Variants in ZNF407 observed in about 807,000 individuals in gnomAD.
The protein encoded by ZNF407 is zinc finger protein 407.
Under a neutral mutation model 131.2 loss-of-function variants are expected in ZNF407, and 17 were observed. The observed-to-expected ratio is 0.13, with a 90% confidence interval of 0.09 to 0.19. The LOEUF is 0.19. Ranked by LOEUF, ZNF407 falls within the 10% of genes least tolerant of loss-of-function variation. The pLI is 1.00. For synonymous variants in ZNF407, 1,156 were observed against 1,062.0 expected (o/e 1.09, Z -1.72); for missense variants, 2,681 against 2,830.6 (o/e 0.95, Z 1.20).
chr18:74,834,078 A>G (rs2145121869), intron 4 of ZNF407, among the ~76,000 whole-genome samples: 1 of 152,330 alleles, frequency 6.6e-6, no homozygotes, highest in Admixed American at 6.5e-5. Context: ...TGAAAAATCT[A>G]ACCTTTATCA....
intron 4 of ZNF407, among the ~76,000 whole-genome samples, chr18:74,835,885 G>A (rs1046509309): frequency 6.6e-6 from 1 of 152,084 alleles, no homozygotes; most frequent in Non-Finnish European, 1.5e-5. Context: ...ACAGGTACGG[G>A]TATGCTGGTT....
intron 8 of ZNF407, among the ~76,000 whole-genome samples, chr18:74,958,585 C>G (rs1206322179): frequency 6.6e-6 from 1 of 151,888 alleles, no homozygotes; most frequent in African/African-American, 2.4e-5. Context: ...TTGGGTTTGA[C>G]GAGGAGTCCG....
chr18:74,816,754 A>G (rs780894355), intron 4 of ZNF407, among the ~76,000 whole-genome samples: 5 of 152,326 alleles, frequency 3.3e-5, no homozygotes, highest in Non-Finnish European at 7.4e-5. Flanking sequence ...TTCACTTTTA[A>G]CTTGCAAATA....
At position 74,851,975 on chromosome 18, in the gene ZNF407, C is replaced by T. The variant is rs527854768; in HGVS notation, c.4878-25222C>T. Among the ~76,000 whole-genome samples the T allele has an allele frequency of 5.9e-5, 9 of 152,226 alleles. No homozygotes were observed. In the South Asian group the frequency reaches 1.9e-3, roughly 32 times the overall value. ...GGGTGCTCCTTAAGAGACATCAGAG[C>T]GCATGCACTGAAAGGGTAGCAGCCG... On this transcript the variant is annotated intron_variant, in intron 4 of 8. Coordinates refer to ENST00000299687, the MANE Select transcript of ZNF407 (RefSeq NM_017757.3).
At chr18:75,003,080 A>G (rs1048282425) in intron 8 of ZNF407, among the ~76,000 whole-genome samples, 4 of 152,360 alleles carry the variant, frequency 2.6e-5, no homozygotes, top group Admixed American at 6.5e-5. Flanking sequence ...GGCATAGTGC[A>G]TTAATTAGGC....
chr18:74,943,358 C>T (rs1323211440), intron 8 of ZNF407, among the ~76,000 whole-genome samples: 1 of 152,136 alleles, frequency 6.6e-6, no homozygotes, highest in Non-Finnish European at 1.5e-5. Flanking sequence ...ACAGCTGTTA[C>T]TTTATGTGTG....
chr18:74,670,749 C>T (rs530504861), intron 3 of ZNF407, among the ~76,000 whole-genome samples: 107 of 152,136 alleles, frequency 7.0e-4, no homozygotes, highest in Non-Finnish European at 1.2e-3. Context: ...ATGATCATAG[C>T]TCGCTGCAGC....
At chr18:75,039,710 G>A (rs556006132) in intron 8 of ZNF407, among the ~76,000 whole-genome samples, 368 of 138,198 alleles carry the variant, frequency 2.7e-3, no homozygotes, top group African/African-American at 9.4e-3. Flanking sequence ...CTAAGCACAG[G>A]GGCCAAGCTT....
intron 3 of ZNF407, among the ~76,000 whole-genome samples, chr18:74,764,377 A>AT (rs981271424): frequency 6.6e-6 from 1 of 152,070 alleles, no homozygotes; most frequent in Non-Finnish European, 1.5e-5. Context: ...CATCTAATGA[A>AT]TTTTTTTATC....
intron 8 of ZNF407, among the ~76,000 whole-genome samples, chr18:75,054,486 G>A (rs944860957): frequency 1.3e-5 from 2 of 152,168 alleles, no homozygotes. Context: ...GGTTTTGCCA[G>A]AAAAAGAAAA....
intron 4 of ZNF407, among the ~76,000 whole-genome samples, chr18:74,811,467 T>G (rs1432526235): frequency 2.0e-5 from 3 of 152,152 alleles, no homozygotes; most frequent in South Asian, 4.1e-4. Context: ...TCAGTGTGGC[T>G]ATTCCTCAGG....
At chr18:74,788,197 A>G (rs980469924) in intron 4 of ZNF407, among the ~76,000 whole-genome samples, 3 of 152,172 alleles carry the variant, frequency 2.0e-5, no homozygotes, top group Admixed American at 6.5e-5. Flanking sequence ...TATGTCCGCA[A>G]TATATTTTAA....
intron 8 of ZNF407, among the ~76,000 whole-genome samples, chr18:75,007,779 G>A (rs1300144733): frequency 1.3e-5 from 2 of 152,090 alleles, no homozygotes; most frequent in African/African-American, 2.4e-5. Context: ...TAGCAGAAGA[G>A]GAAAATATGT....
rs191437394 is a variant in ZNF407, at chr18:74,962,028, G to C, written c.5428+41336G>C. Among the ~76,000 whole-genome samples, 16 of 151,460 alleles carry C rather than the reference G, an allele frequency of 1.1e-4. No individual in the cohort carries two copies. In the East Asian group the frequency reaches 3.5e-3, roughly 33 times the overall value. On this transcript the variant is annotated intron_variant, in intron 8 of 8. Transcript: ENST00000299687. Reference sequence around the variant, plus strand: ...ACTAGTTTTCATGGAAGTTTAGAAGGCCATTTCCTTTAGCCATTTCCTTTG... The same window carrying C: ...ACTAGTTTTCATGGAAGTTTAGAAGCCCATTTCCTTTAGCCATTTCCTTTG...
At chr18:74,974,878 T>C (rs1972511136) in intron 8 of ZNF407, among the ~76,000 whole-genome samples, 2 of 152,338 alleles carry the variant, frequency 1.3e-5, no homozygotes, top group South Asian at 4.1e-4. Context: ...TCCGCTCATC[T>C]CCTTCTTTGC....
chr18:75,032,797 A>G lies in ZNF407; in HGVS notation c.5429-30353A>G, dbSNP rs146434719. On this transcript the variant is annotated intron_variant, in intron 8 of 8. Transcript: ENST00000299687. ...AGGGGGAAGACAGTATTAGATAACT[A>G]AGACTGCTCAGAATTGGGGGAAGAC... 8.0e-4 allele frequency among the ~76,000 whole-genome samples: 115 copies of G among 143,272 alleles called. 1 individual carries two copies. The highest frequency in any genetic ancestry group is 3.7e-3 in the Middle Eastern group (1 of 268). 94.0% of individuals were successfully genotyped at this position (143,272 alleles called of 152,430 possible).
intron 3 of ZNF407, among the ~76,000 whole-genome samples, chr18:74,691,930 T>TA (rs1311647397): frequency 6.6e-6 from 1 of 151,922 alleles, no homozygotes. Flanking sequence ...TCTGTCTCTA[T>TA]AAAAAATAGA....
intron 6 of ZNF407, among the ~76,000 whole-genome samples, chr18:74,884,938 A>G (rs1971287333): frequency 6.6e-6 from 1 of 152,174 alleles, no homozygotes; most frequent in South Asian, 2.1e-4. Flanking sequence ...AAAAATGAAT[A>G]GTTTGAAGAC....
At chr18:75,007,818 G>A (rs1226857565) in intron 8 of ZNF407, among the ~76,000 whole-genome samples, 1 of 152,146 alleles carries the variant, frequency 6.6e-6, no homozygotes, top group Non-Finnish European at 1.5e-5. Context: ...CTGTAACATG[G>A]GAAATCCTCC....
Sources: allele counts gnomAD v4.1 joint callset (sites outside exome capture counted in the v4.1 genomes callset), GRCh38; gene constraint gnomAD v4.1.1; transcripts MANE v1.5; gene names NCBI Gene and HGNC (gene_info 2026-07-23, HGNC 2026-07-21).